TTLL11: variants seen among roughly 807,000 people sequenced by gnomAD.
TTLL11 encodes tubulin tyrosine ligase like 11, also known as tubulin polyglutamylase TTLL11.
A neutral mutation model predicts 51.7 loss-of-function variants in TTLL11; 42 were observed. That is an observed-to-expected ratio of 0.81 (90% CI 0.64 to 1.05). The LOEUF (loss-of-function observed/expected upper bound fraction) is 1.05. Among genes scored for constraint, TTLL11 ranks in the 50% least tolerant of loss-of-function variants. TTLL11 has a pLI of 0.00. For synonymous variants in TTLL11, 381 were observed against 383.5 expected (o/e 0.99, Z 0.08); for missense variants, 799 against 940.4 (o/e 0.85, Z 1.97).
intron 8 of TTLL11, among the ~76,000 whole-genome samples, chr9:121,836,221 T>C (rs1837175500): frequency 2.6e-5 from 4 of 152,154 alleles, no homozygotes; most frequent in South Asian, 2.1e-4. Context: ...TGTGTGTTAG[T>C]TGGGTGTGGG....
At chr9:121,915,261 C>A (rs927464657) in intron 6 of TTLL11, among the ~76,000 whole-genome samples, 1 of 152,152 alleles carries the variant, frequency 6.6e-6, no homozygotes, top group African/African-American at 2.4e-5. Context: ...ATCACTCTTC[C>A]ATGAAATCAT....
chr9:122,034,211 G>T lies in TTLL11; in HGVS notation c.560-2355C>A, dbSNP rs183867425. ...TCCGAAATCCCTCAGCAGGTCAGAA[G>T]GGCTCACACAACACAGAGAGCTGTG... On this transcript the variant is annotated intron_variant, in intron 2 of 8. Coordinates refer to ENST00000321582, the MANE Select transcript of TTLL11 (RefSeq NM_001139442.2). Among the ~76,000 whole-genome samples, 5 of 152,344 alleles carry T rather than the reference G, an allele frequency of 3.3e-5. No individual in the cohort carries two copies. In the East Asian group the frequency reaches 9.6e-4, roughly 29 times the overall value.
chr9:122,034,276 T>C (rs576538878), intron 2 of TTLL11, among the ~76,000 whole-genome samples: 2 of 152,318 alleles, frequency 1.3e-5, no homozygotes, highest in African/African-American at 2.4e-5. Context: ...AAAAGTTTTG[T>C]GAAAATCTAT....
At chr9:121,925,835 C>T (rs1314056931) in intron 6 of TTLL11, among the ~76,000 whole-genome samples, 1 of 152,188 alleles carries the variant, frequency 6.6e-6, no homozygotes, top group Non-Finnish European at 1.5e-5. Context: ...TCCACCCTCA[C>T]CCTTTGTTTA....
At chr9:121,899,822 CAGTGACTAAAGACA>C (rs1396343415) in intron 6 of TTLL11, among the ~76,000 whole-genome samples, 1 of 152,178 alleles carries the variant, frequency 6.6e-6, no homozygotes, top group Non-Finnish European at 1.5e-5. Flanking sequence ...GCTACATTCC[CAGTGACTAAAGACA>C]GTGCCACGTG....
Position 121,820,017 on chromosome 9 carries a change from T to C in TTLL11, c.*2570A>G, listed in dbSNP as rs4348572. Among the ~76,000 whole-genome samples, 108,246 of 152,090 alleles carry C rather than the reference T, an allele frequency of 0.71. 39,388 individuals carry two copies. Among genetic ancestry groups the C allele is most frequent in the African/African-American group, 0.87 (36,238 of 41,544 alleles). Reference sequence around the variant, plus strand: ...TCCCTAACAATCAGCAGGGAGGCTCTGTGCCCTGCGGGTGGGTGGGGCTAT... The same window carrying C: ...TCCCTAACAATCAGCAGGGAGGCTCCGTGCCCTGCGGGTGGGTGGGGCTAT... On this transcript the variant is annotated 3_prime_UTR_variant, in exon 9 of 9. Coordinates refer to ENST00000321582, the MANE Select transcript of TTLL11 (RefSeq NM_001139442.2).
chr9:121,966,197 T>C (rs906497307), intron 6 of TTLL11, among the ~76,000 whole-genome samples: 3 of 152,150 alleles, frequency 2.0e-5, no homozygotes, highest in Non-Finnish European at 4.4e-5. Context: ...GGGGAGAGGA[T>C]TGTGAAATGT....
chr9:122,018,994 C>T (rs1056414419), intron 3 of TTLL11, among the ~76,000 whole-genome samples: 10 of 152,220 alleles, frequency 6.6e-5, no homozygotes, highest in African/African-American at 2.2e-4. Flanking sequence ...AACTTTCCTT[C>T]TTCTCCACTA....
At chr9:121,860,576 A>T in intron 7 of TTLL11, 133 bp from the exon 8 acceptor site, 1 of 722,980 alleles carries the variant, frequency 1.4e-6, no homozygotes, top group East Asian at 2.8e-5. Context: ...CTCCAATGTG[A>T]TGGTGTTAGG....
chr9:122,015,804 A>C (rs191671069), intron 3 of TTLL11, among the ~76,000 whole-genome samples: 1 of 133,872 alleles, frequency 7.5e-6, no homozygotes, highest in Admixed American at 7.4e-5. Flanking sequence ...AACTCAAAAG[A>C]GACAAAAAAA....
chr9:121,898,286 G>A (rs1405756064), intron 6 of TTLL11, among the ~76,000 whole-genome samples: 1 of 152,220 alleles, frequency 6.6e-6, no homozygotes, highest in Non-Finnish European at 1.5e-5. Flanking sequence ...ACGCTAGAAA[G>A]GGAGAGACGG....
chr9:121,896,064 C>A (rs935337609), intron 6 of TTLL11, among the ~76,000 whole-genome samples: 47 of 146,626 alleles, frequency 3.2e-4, no homozygotes, highest in African/African-American at 1.1e-3. Context: ...GGCTGTGTGT[C>A]ATTGTATCTG....
At chr9:121,911,607 T>A (rs1588118554) in intron 6 of TTLL11, among the ~76,000 whole-genome samples, 1 of 147,632 alleles carries the variant, frequency 6.8e-6, no homozygotes, top group African/African-American at 2.7e-5. Context: ...TATGAAGCCA[T>A]AAAAAAGAAT....
chr9:122,047,570 A>C (rs926170369), intron 1 of TTLL11, among the ~76,000 whole-genome samples: 1 of 152,024 alleles, frequency 6.6e-6, no homozygotes, highest in Non-Finnish European at 1.5e-5. Context: ...GGAAATAGAG[A>C]CCACAGAGAG....
intron 8 of TTLL11, among the ~76,000 whole-genome samples, chr9:121,846,794 A>G (rs1470704648): frequency 6.6e-6 from 1 of 152,374 alleles, no homozygotes; most frequent in African/African-American, 2.4e-5. Flanking sequence ...AGTGCTTAGA[A>G]GAACAATTTA....
intron 6 of TTLL11, among the ~76,000 whole-genome samples, chr9:121,940,878 C>T (rs780188165): frequency 9.9e-5 from 15 of 152,266 alleles, no homozygotes; most frequent in Non-Finnish European, 2.1e-4. Flanking sequence ...TCTAATTAAA[C>T]AAAGAGGTCT....
At chr9:121,873,642 C>CTTCTTCTTCT (rs1564282907) in intron 6 of TTLL11, among the ~76,000 whole-genome samples, 15 of 134,052 alleles carry the variant, frequency 1.1e-4, no homozygotes, top group Non-Finnish European at 1.6e-4. Context: ...TCCTCCTCCT[C>CTTCTTCTTCT]TCTTCTTCTT....
intron 6 of TTLL11, among the ~76,000 whole-genome samples, chr9:121,957,412 G>A (rs955351653): frequency 6.6e-6 from 1 of 152,138 alleles, no homozygotes; most frequent in African/African-American, 2.4e-5. Context: ...TGCTTCCCTG[G>A]CTTTGTACCC....
At chr9:121,864,224 G>C (rs928393019) in intron 7 of TTLL11, among the ~76,000 whole-genome samples, 3 of 152,224 alleles carry the variant, frequency 2.0e-5, no homozygotes, top group Non-Finnish European at 4.4e-5. Flanking sequence ...GGACAGCAAT[G>C]AATTGCTGAA....
Sources: gnomAD v4.1 joint callset for allele counts (sites outside exome capture counted in the v4.1 genomes callset) on GRCh38, gnomAD v4.1.1 for gene constraint, MANE v1.5 for transcripts, NCBI Gene and HGNC (gene_info 2026-07-23, HGNC 2026-07-21) for gene names.